The following FSTL4 variants were observed in gnomAD, a reference collection of about 807,000 sequenced individuals.
FSTL4 encodes the protein follistatin-related protein 4.
Under a neutral mutation model 78.2 loss-of-function variants are expected in FSTL4, and 28 were observed. The ratio of observed to expected loss-of-function variants is 0.36; its 90% confidence interval spans 0.27 to 0.49. The LOEUF is 0.49. FSTL4 is among the 20% of genes least tolerant of loss of function. The pLI is 0.98. For synonymous variants in FSTL4, 422 were observed against 440.5 expected (o/e 0.96, Z 0.53); for missense variants, 922 against 1,084.9 (o/e 0.85, Z 2.11).
At position 133,603,834 on chromosome 5, in the gene FSTL4, A is replaced by G. The variant is rs772796673; in HGVS notation, c.126+24T>C. ...CGGAAAGCAATCAGTTTGAAATGTTATGTCCGCAGGGATTTGACTATACCT... is the reference window on the plus strand; with the variant it reads ...CGGAAAGCAATCAGTTTGAAATGTTGTGTCCGCAGGGATTTGACTATACCT... On this transcript the variant is annotated intron_variant, in intron 2 of 15. Transcript: ENST00000265342. 2.5e-6 allele frequency: 4 copies of G among 1,611,904 alleles called. No homozygotes were observed. In the South Asian group the frequency reaches 4.4e-5, roughly 18 times the overall value.
the FSTL4 span, among the ~76,000 whole-genome samples, chr5:133,642,039 G>A: frequency 6.6e-6 from 1 of 151,972 alleles, no homozygotes; most frequent in Admixed American, 6.6e-5. Flanking sequence ...TTCTTCCCAA[G>A]GTAGAAGGCA....
rs1453396071 is a variant in FSTL4, at chr5:133,233,671, G to A, written c.895-134C>T. ...TCTGCCTGGCCCTTGCTCAGCCAGAGCTGTCTGCAGGGGTGAGCCGTCCTG... is the reference window on the plus strand; with the variant it reads ...TCTGCCTGGCCCTTGCTCAGCCAGAACTGTCTGCAGGGGTGAGCCGTCCTG... On this transcript the variant is annotated intron_variant, in intron 7 of 15. Coordinates refer to ENST00000265342, the MANE Select transcript of FSTL4 (RefSeq NM_015082.2). The A allele has an allele frequency of 5.4e-6, 6 of 1,102,288 alleles. No homozygotes were observed. In the African/African-American group the frequency reaches 9.5e-5, roughly 17 times the overall value. 68.3% of individuals were successfully genotyped at this position (1,102,288 alleles called of 1,614,324 possible).
intron 6 of FSTL4, among the ~76,000 whole-genome samples, chr5:133,285,733 C>G (rs571790902): frequency 6.6e-6 from 1 of 152,356 alleles, no homozygotes; most frequent in South Asian, 2.1e-4. Flanking sequence ...GAGGATCACT[C>G]AGACTATGAG....
the FSTL4 span, among the ~76,000 whole-genome samples, chr5:133,720,187 G>A: frequency 6.6e-6 from 1 of 152,004 alleles, no homozygotes; most frequent in African/African-American, 2.4e-5. Context: ...GCTCATAGTA[G>A]GAAAAAGAAA....
At chr5:133,333,051 C>T (rs1170251958) in intron 4 of FSTL4, among the ~76,000 whole-genome samples, 1 of 152,176 alleles carries the variant, frequency 6.6e-6, no homozygotes, top group East Asian at 1.9e-4. Context: ...CACATACACA[C>T]ACACTCACTC....
chr5:133,241,888 C>T (rs149223781), intron 7 of FSTL4, among the ~76,000 whole-genome samples: 56 of 152,302 alleles, frequency 3.7e-4, no homozygotes, highest in Middle Eastern at 3.4e-3. Context: ...TGATTCCTGT[C>T]GTTGAGACAC....
At chr5:133,672,498 A>T in the FSTL4 span, among the ~76,000 whole-genome samples, 3 of 152,274 alleles carry the variant, frequency 2.0e-5, no homozygotes, top group African/African-American at 7.2e-5. Flanking sequence ...CTGGTTCCAA[A>T]GCCCATGCTC....
the FSTL4 span, among the ~76,000 whole-genome samples, chr5:133,819,520 G>A: frequency 6.6e-6 from 1 of 152,102 alleles, no homozygotes; most frequent in Non-Finnish European, 1.5e-5. Context: ...CCTGAGGGGT[G>A]CACTGAACTG....
chr5:133,346,689 T>G (rs954107332), intron 4 of FSTL4, among the ~76,000 whole-genome samples: 1 of 152,072 alleles, frequency 6.6e-6, no homozygotes, highest in African/African-American at 2.4e-5. Flanking sequence ...CTCTGGGGAG[T>G]TTTCTTCTGT....
At chr5:133,799,586 A>G in the FSTL4 span, among the ~76,000 whole-genome samples, 2 of 138,258 alleles carry the variant, frequency 1.4e-5, 1 homozygote, top group Non-Finnish European at 3.2e-5. Context: ...ACTCAGAGAC[A>G]TGGGGTACCT....
Position 133,400,875 on chromosome 5 carries a change from T to C in FSTL4, c.272A>G (p.Glu91Gly). The C allele has an allele frequency of 6.2e-7, 1 of 1,613,870 alleles. No individual in the cohort carries two copies. ...KTGEPECQCL[E>G]ACRPSYVPVC... ...AGGCACGTAGCTGGGCCTGCATGCC[T>C]CCAGGCACTGGCATTCGGGCTCCCC... Residue 91 changes from glutamate to glycine, a missense_variant, in exon 4 of 16, where the codon GAG (glutamate) becomes GGG (glycine). Transcript: ENST00000265342.
intron 3 of FSTL4, among the ~76,000 whole-genome samples, chr5:133,414,865 C>T (rs1031367361): frequency 6.6e-6 from 1 of 152,170 alleles, no homozygotes; most frequent in African/African-American, 2.4e-5. Flanking sequence ...CCTGAGCCCA[C>T]CTGCATGTTA....
At chr5:133,435,419 G>A (rs1757016135) in intron 3 of FSTL4, among the ~76,000 whole-genome samples, 1 of 152,172 alleles carries the variant, frequency 6.6e-6, no homozygotes, top group Non-Finnish European at 1.5e-5. Flanking sequence ...TTACCATGGT[G>A]TTTTGCAGAT....
At chr5:133,386,961 T>G (rs559921470) in intron 4 of FSTL4, among the ~76,000 whole-genome samples, 7 of 152,262 alleles carry the variant, frequency 4.6e-5, no homozygotes, top group African/African-American at 1.7e-4. Context: ...ATACAATATT[T>G]GATGTCTGCG....
intron 3 of FSTL4, among the ~76,000 whole-genome samples, chr5:133,532,621 C>G (rs141712594): frequency 1.3e-5 from 2 of 152,310 alleles, no homozygotes; most frequent in East Asian, 3.9e-4. Context: ...GCGTCAGAAC[C>G]AGGCCTTATC....
intron 7 of FSTL4, among the ~76,000 whole-genome samples, chr5:133,238,533 G>T (rs1484082668): frequency 6.6e-6 from 1 of 152,202 alleles, no homozygotes; most frequent in African/African-American, 2.4e-5. Flanking sequence ...GCACATGTGG[G>T]TGAGCACACA....
At chr5:133,438,011 TTATA>T (rs1481545647) in intron 3 of FSTL4, among the ~76,000 whole-genome samples, 1 of 152,206 alleles carries the variant, frequency 6.6e-6, no homozygotes, top group Non-Finnish European at 1.5e-5. Flanking sequence ...ATTACTCTAA[TTATA>T]TATACTTAAT....
chr5:133,660,081 G>A, the FSTL4 span, among the ~76,000 whole-genome samples: 1 of 152,168 alleles, frequency 6.6e-6, no homozygotes, highest in African/African-American at 2.4e-5. Context: ...AAAAACACTA[G>A]GCTTCATTGG....
rs956192737 is a variant in FSTL4, at chr5:133,562,660, A to G, written c.160+4526T>C. 3.0e-4 allele frequency among the ~76,000 whole-genome samples: 46 copies of G among 152,188 alleles called. 1 individual carries two copies. Among genetic ancestry groups the G allele is most frequent in the Non-Finnish European group, 7.3e-5 (5 of 68,032 alleles). On this transcript the variant is annotated intron_variant, in intron 3 of 15. Coordinates refer to ENST00000265342, the MANE Select transcript of FSTL4 (RefSeq NM_015082.2). ...CAGGGCTGGAACATGTGCGGGAGCC[A>G]GCGCTGGGAGGTGGGCAATGCAACA...
Sources: gnomAD v4.1 joint callset for allele counts (sites outside exome capture counted in the v4.1 genomes callset) on GRCh38, gnomAD v4.1.1 for gene constraint, MANE v1.5 for transcripts, NCBI Gene and HGNC (gene_info 2026-07-23, HGNC 2026-07-21) for gene names.